RHD: variants seen among roughly 807,000 people sequenced by gnomAD.
RHD encodes the protein Rh blood group D antigen.
A neutral mutation model predicts 45.5 loss-of-function variants in RHD; 16 were observed. That is an observed-to-expected ratio of 0.35 (90% CI 0.24 to 0.53). The LOEUF (loss-of-function observed/expected upper bound fraction) is 0.53, where lower values mean the gene tolerates loss of function less well. Among genes scored for constraint, RHD ranks in the 20% least tolerant of loss-of-function variants. The pLI is 0.92. For missense variants in RHD, 306 were observed against 532.0 expected (o/e 0.58, Z 4.18); for synonymous variants, 131 against 217.5 (o/e 0.60, Z 3.50).
At chr1:25,312,163 A>C (rs1644185612) in intron 7 of RHD, among the ~76,000 whole-genome samples, 6 of 96,104 alleles carry the variant, frequency 6.2e-5, no homozygotes, top group Admixed American at 5.0e-4. Flanking sequence ...AGAGTAAAAG[A>C]TCATTCTGAA....
chr1:25,276,163 G>A (rs1245146630), intron 1 of RHD, among the ~76,000 whole-genome samples: 1 of 131,290 alleles, frequency 7.6e-6, no homozygotes, highest in Non-Finnish European at 1.8e-5. Flanking sequence ...TGTTAATTTT[G>A]TTAGGTATGA....
rs1213351582 is a variant in RHD, at chr1:25,274,347, A to G, written c.148+1652A>G. Among the ~76,000 whole-genome samples the G allele has an allele frequency of 1.1e-4, 14 of 132,234 alleles. 3 individuals are homozygous for G. The highest frequency in any genetic ancestry group is 1.8e-4 in the Non-Finnish European group (10 of 55,744). 86.8% of individuals were successfully genotyped at this position (132,234 alleles called of 152,430 possible). On this transcript the variant is annotated intron_variant, in intron 1 of 9. Coordinates refer to ENST00000328664, the MANE Select transcript of RHD (RefSeq NM_016124.6). ...CTTAACCATTATGCATCATGGCCCC[A>G]TTTTACAGTGGGCTTGAGTCTTTGT...
Position 25,276,477 on chromosome 1 carries a change from A to G in RHD, c.148+3782A>G, listed in dbSNP as rs190410974. On this transcript the variant is annotated intron_variant, in intron 1 of 9. Transcript: ENST00000328664. ...GGAGGCCAAGTGGGGAGGATCGCTTAAACCAAGGAGTTCAAGACGAGCCTA... is the reference window on the plus strand; with the variant it reads ...GGAGGCCAAGTGGGGAGGATCGCTTGAACCAAGGAGTTCAAGACGAGCCTA... Among the ~76,000 whole-genome samples the G allele has an allele frequency of 7.3e-3, 864 of 118,652 alleles. 82 individuals are homozygous for G. The highest frequency in any genetic ancestry group is 0.024 in the African/African-American group (812 of 34,218). The allele number at this position is 118,652 out of a possible 152,430, so 77.8% of individuals were successfully genotyped here.
At chr1:25,299,380 CA>C (rs1643206605) in intron 3 of RHD, among the ~76,000 whole-genome samples, 1 of 129,902 alleles carries the variant, frequency 7.7e-6, no homozygotes, top group African/African-American at 2.7e-5. Context: ...GACTCCGTCT[CA>C]AAAATAAATA....
chr1:25,315,913 CA>C lies in RHD; in HGVS notation c.1074-1086del, dbSNP rs1451847093. ...CTTTATAATGAACAATCAGTAAAGA[CA>C]GGGAAGATAACCAAATGACATACAA... is the stretch of plus-strand genomic sequence containing the variant. On this transcript the variant is annotated intron_variant, in intron 7 of 9. Transcript: ENST00000328664. Among the ~76,000 whole-genome samples, 2 of 131,892 alleles carry C rather than the reference CA, an allele frequency of 1.5e-5. 1 individual carries two copies. The highest frequency in any genetic ancestry group is 3.6e-5 in the Non-Finnish European group (2 of 55,884). 86.5% of individuals were successfully genotyped at this position (131,892 alleles called of 152,430 possible).
rs28451966 is a variant in RHD, at chr1:25,295,850, A to C, written c.486+5059A>C. On this transcript the variant is annotated intron_variant, in intron 3 of 9. Coordinates refer to ENST00000328664, the MANE Select transcript of RHD (RefSeq NM_016124.6). ...AATGGTCTGGGAGGGAATATGGGAA[A>C]TTTTTTTTTTTTTTTTTTTTTTTTT... Among the ~76,000 whole-genome samples the C allele has an allele frequency of 2.5e-5, 2 of 81,320 alleles. 1 individual carries two copies. Among genetic ancestry groups the C allele is most frequent in the Non-Finnish European group, 5.5e-5 (2 of 36,174 alleles). The allele number at this position is 81,320 out of a possible 152,430, so 53.3% of individuals were successfully genotyped here.
At chr1:25,285,001 G>T (rs1641841993) in intron 2 of RHD, among the ~76,000 whole-genome samples, 2 of 135,004 alleles carry the variant, frequency 1.5e-5, no homozygotes, top group Non-Finnish European at 3.5e-5. Context: ...CATTCCTCCT[G>T]CATCCTTTCT....
At chr1:25,314,995 G>A (rs1186999350) in intron 7 of RHD, among the ~76,000 whole-genome samples, 2 of 129,698 alleles carry the variant, frequency 1.5e-5, no homozygotes, top group African/African-American at 5.2e-5. Context: ...ACAAGGTCAA[G>A]AGATCGAGAT....
At position 25,303,759 on chromosome 1, in the gene RHD, C is replaced by A. The variant is rs1160296623; in HGVS notation, c.939+300C>A. ...TGGAGTGTTGTGGGGAGCCCCGAAG[C>A]CCCTGTTTTACTTCTTTCTTTGCTT... On this transcript the variant is annotated intron_variant, in intron 6 of 9. Transcript: ENST00000328664. Among the ~76,000 whole-genome samples, 4 of 131,056 alleles carry A rather than the reference C, an allele frequency of 3.1e-5. 2 individuals carry two copies. Among genetic ancestry groups the A allele is most frequent in the Non-Finnish European group, 7.2e-5 (4 of 55,342 alleles). 86.0% of individuals were successfully genotyped at this position (131,056 alleles called of 152,430 possible).
chr1:25,284,631 C>A lies in RHD; in HGVS notation c.207C>A (p.Phe69Leu), dbSNP rs1264026671. 7.2e-7 allele frequency: 1 copy of A among 1,388,968 alleles called. No individual in the cohort carries two copies. Among genetic ancestry groups the A allele is most frequent in the African/African-American group, 1.4e-5 (1 of 71,212 alleles). The allele number at this position is 1,388,968 out of a possible 1,614,324, so 86.0% of individuals were successfully genotyped here. ...AIGLGFLTSS[F>L]RRHSWSSVAF... ...GCTTGGGCTTCCTCACCTCGAGTTTCCGGAGACACAGCTGGAGCAGTGTGG... is the reference window on the plus strand; with the variant it reads ...GCTTGGGCTTCCTCACCTCGAGTTTACGGAGACACAGCTGGAGCAGTGTGG... The change falls in exon 2 of 10, where the codon TTC (phenylalanine) becomes TTA (leucine). Residue 69 changes from phenylalanine (F) to leucine (L), a missense_variant. Phe to Leu is a conservative substitution (Grantham distance 22). Coordinates refer to ENST00000328664, the MANE Select transcript of RHD (RefSeq NM_016124.6).
intron 9 of RHD, among the ~76,000 whole-genome samples, chr1:25,322,256 GTAGCCAAA>G (rs1196095004): frequency 3.0e-5 from 4 of 132,390 alleles, no homozygotes; most frequent in African/African-American, 1.0e-4. Flanking sequence ...AGTCCTCAGC[GTAGCCAAA>G]TAGTCTGACA....
rs1482544093 is a variant in RHD, at chr1:25,289,423, G to T, written c.336-1218G>T. Reference sequence around the variant, plus strand: ...TTGGCCAGGCCACTCTTGAACCCCTGGCCTCAAGTGATCCACCTGCCTTGG... The same window carrying T: ...TTGGCCAGGCCACTCTTGAACCCCTTGCCTCAAGTGATCCACCTGCCTTGG... On this transcript the variant is annotated intron_variant, in intron 2 of 9. Transcript: ENST00000328664. Among the ~76,000 whole-genome samples the T allele has an allele frequency of 1.5e-5, 2 of 130,662 alleles. 1 individual carries two copies. The highest frequency in any genetic ancestry group is 3.9e-4 in the East Asian group (2 of 5,100). 85.7% of individuals were successfully genotyped at this position (130,662 alleles called of 152,430 possible).
At chr1:25,286,603 G>A (rs1255319928) in intron 2 of RHD, among the ~76,000 whole-genome samples, 2 of 133,802 alleles carry the variant, frequency 1.5e-5, no homozygotes, top group Non-Finnish European at 3.5e-5. Context: ...TGGCTAACTC[G>A]GAGAAACCCT....
chr1:25,292,158 G>A (rs113007365), intron 3 of RHD, among the ~76,000 whole-genome samples: 1 of 132,406 alleles, frequency 7.6e-6, no homozygotes, highest in African/African-American at 2.6e-5. Flanking sequence ...AATCACATGA[G>A]ATGATGCATG....
At position 25,316,056 on chromosome 1, in the gene RHD, T is replaced by C. The variant is rs1245555159; in HGVS notation, c.1074-944T>C. ...AGGAAAGGCTTAAAAAACTGGCTTG[T>C]TATGTACAACTATCCGTGGGGCTGC... On this transcript the variant is annotated intron_variant, in intron 7 of 9. Transcript: ENST00000328664. 3.1e-5 allele frequency among the ~76,000 whole-genome samples: 4 copies of C among 130,634 alleles called. 1 individual carries two copies. Among genetic ancestry groups the C allele is most frequent in the Non-Finnish European group, 7.2e-5 (4 of 55,306 alleles). 85.7% of individuals were successfully genotyped at this position (130,634 alleles called of 152,430 possible).
chr1:25,308,028 G>A (rs1643943613), intron 7 of RHD, among the ~76,000 whole-genome samples: 1 of 26,420 alleles, frequency 3.8e-5, no homozygotes, highest in South Asian at 3.2e-3. Context: ...AACAGGCAGG[G>A]GAAGTTAGAA....
At position 25,286,871 on chromosome 1, in the gene RHD, T is replaced by TTACCTGAGGTCAGGAGTCCGAGACC. The variant is rs1642062720; in HGVS notation, c.335+2113_335+2137dup. 1.5e-5 allele frequency among the ~76,000 whole-genome samples: 2 copies of TTACCTGAGGTCAGGAGTCCGAGACC among 134,036 alleles called. 1 individual carries two copies. The highest frequency in any genetic ancestry group is 5.2e-5 in the African/African-American group (2 of 38,542). The allele number at this position is 134,036 out of a possible 152,430, so 87.9% of individuals were successfully genotyped here. A position where few individuals can be genotyped will look rare whatever the true frequency, so the allele number is the denominator to read the frequency against. On this transcript the variant is annotated intron_variant, in intron 2 of 9. Transcript: ENST00000328664. ...TACTTTAGGAGGCCTAGCAGGTGGA[T>TTACCTGAGGTCAGGAGTCCGAGACC]TACCTGAGGTCAGGAGTCCGAGACC... is the stretch of plus-strand genomic sequence containing the variant.
In RHD at chr1:25,311,264, G is replaced by A. The variant is rs1258748946; in HGVS notation, c.1073+4535G>A. Among the ~76,000 whole-genome samples the A allele has an allele frequency of 5.3e-5, 7 of 131,816 alleles. 3 individuals carry two copies. The highest frequency in any genetic ancestry group is 1.5e-4 in the Admixed American group (2 of 13,636). The allele number at this position is 131,816 out of a possible 152,430, so 86.5% of individuals were successfully genotyped here. A position where few individuals can be genotyped will look rare whatever the true frequency, so the allele number is the denominator to read the frequency against. On this transcript the variant is annotated intron_variant, in intron 7 of 9. Coordinates refer to ENST00000328664, the MANE Select transcript of RHD (RefSeq NM_016124.6). ...TTCTGTGCCAGAGTCATTTATGGAA[G>A]GCAGAAAATCTGTAGGTCAGCCATG...
chr1:25,301,263 T>C (rs1643367947), intron 4 of RHD, among the ~76,000 whole-genome samples, 170 bp downstream of exon 4: 1 of 131,270 alleles, frequency 7.6e-6, no homozygotes, highest in East Asian at 2.0e-4. Context: ...TACCTTTGAA[T>C]TAAGCACTTC....
Sources: gnomAD v4.1 joint callset for allele counts (sites outside exome capture counted in the v4.1 genomes callset) on GRCh38, gnomAD v4.1.1 for gene constraint, MANE v1.5 for transcripts, NCBI Gene and HGNC (gene_info 2026-07-23, HGNC 2026-07-21) for gene names.